The following DPF3 variants were observed in gnomAD, a reference collection of about 807,000 sequenced individuals.
DPF3 encodes the protein double PHD fingers 3.
DPF3 carries 18 observed loss-of-function variants against 56.8 expected under a neutral mutation model. That is an observed-to-expected ratio of 0.32 (90% confidence interval 0.22 to 0.47). The LOEUF (loss-of-function observed/expected upper bound fraction) is 0.47, where lower values mean the gene tolerates loss of function less well. Ranked by LOEUF, DPF3 falls within the 20% of genes least tolerant of loss-of-function variation. The pLI is 1.00. For synonymous variants in DPF3, 188 were observed against 180.2 expected (o/e 1.04, Z -0.35); for missense variants, 403 against 488.8 (o/e 0.82, Z 1.65).
intron 7 of DPF3, among the ~76,000 whole-genome samples, chr14:72,678,698 T>C (rs927645030): frequency 6.6e-6 from 1 of 152,228 alleles, no homozygotes; most frequent in African/African-American, 2.4e-5. Context: ...AGTCCCGCTT[T>C]ATAGAATAAG....
intron 1 of DPF3, among the ~76,000 whole-genome samples, chr14:72,882,075 CA>C (rs1004413164): frequency 1.3e-5 from 2 of 151,994 alleles, no homozygotes; most frequent in Non-Finnish European, 2.9e-5. Flanking sequence ...ACTTGATCTG[CA>C]AAGGTAGCTG....
At chr14:72,701,033 A>G (rs1040188492) in intron 6 of DPF3, among the ~76,000 whole-genome samples, 1 of 152,214 alleles carries the variant, frequency 6.6e-6, no homozygotes, top group African/African-American at 2.4e-5. Flanking sequence ...AAGTACTGGA[A>G]CCATCTGCTC....
intron 2 of DPF3, among the ~76,000 whole-genome samples, chr14:72,754,329 C>T (rs928558898): frequency 1.3e-5 from 2 of 152,000 alleles, no homozygotes; most frequent in Admixed American, 6.6e-5. Context: ...GTGTCTGATA[C>T]CCCCCATAAT....
intron 5 of DPF3, 117 bp downstream of exon 5, chr14:72,723,516 C>T (rs1302444768): frequency 5.7e-6 from 5 of 884,364 alleles, no homozygotes; most frequent in East Asian, 2.8e-5. Context: ...CTCCTTTGAG[C>T]GTTCTCCATG....
chr14:72,754,619 ACAT>A, intron 2 of DPF3, among the ~76,000 whole-genome samples: 1 of 152,298 alleles, frequency 6.6e-6, no homozygotes, highest in South Asian at 2.1e-4. Context: ...GATTCAGAAA[ACAT>A]CAGCACCTGA....
intron 5 of DPF3, among the ~76,000 whole-genome samples, chr14:72,720,628 A>T (rs76606645): frequency 0.068 from 10,309 of 152,220 alleles, 421 homozygotes; most frequent in Admixed American, 0.088. Flanking sequence ...TCTCTTTTCC[A>T]TCATTCAATC....
chr14:72,785,224 T>C (rs1023597895), intron 1 of DPF3, among the ~76,000 whole-genome samples: 1 of 152,240 alleles, frequency 6.6e-6, no homozygotes, highest in Non-Finnish European at 1.5e-5. Flanking sequence ...AATAGTGGCA[T>C]AGCTAATATT....
At chr14:72,681,519 C>T (rs963997819) in intron 7 of DPF3, among the ~76,000 whole-genome samples, 2 of 152,142 alleles carry the variant, frequency 1.3e-5, no homozygotes, top group East Asian at 3.9e-4. Context: ...CATCTTGCTG[C>T]GTGTTTTGGT....
chr14:72,711,530 C>T (rs1350043962), intron 6 of DPF3, among the ~76,000 whole-genome samples: 1 of 152,108 alleles, frequency 6.6e-6, no homozygotes, highest in East Asian at 1.9e-4. Flanking sequence ...GTCCGCTGCT[C>T]TTTGAGCCAC....
intron 1 of DPF3, among the ~76,000 whole-genome samples, chr14:72,815,589 T>C (rs1414181911): frequency 6.6e-6 from 1 of 152,224 alleles, no homozygotes; most frequent in African/African-American, 2.4e-5. Context: ...TGCTCATCAG[T>C]TGGTAAATGA....
chr14:72,805,931 T>C (rs1882756811), intron 1 of DPF3: 1 of 152,166 alleles, frequency 6.6e-6, no homozygotes, highest in South Asian at 2.1e-4. Context: ...CTCTCTCTAA[T>C]GGGGACCTTC....
chr14:72,676,235 G>A (rs1221132438), intron 7 of DPF3, among the ~76,000 whole-genome samples: 1 of 152,200 alleles, frequency 6.6e-6, no homozygotes, highest in East Asian at 1.9e-4. Context: ...ATGTGGAGAT[G>A]CCAGTTGTTA....
intron 1 of DPF3, among the ~76,000 whole-genome samples, chr14:72,781,649 G>T (rs1375014932): frequency 6.9e-6 from 1 of 145,698 alleles, no homozygotes; most frequent in Admixed American, 6.9e-5. Context: ...TCAAGGAGCT[G>T]CCAAGGACAA....
At chr14:72,744,914 A>C (rs547345476) in intron 3 of DPF3, among the ~76,000 whole-genome samples, 14 of 152,334 alleles carry the variant, frequency 9.2e-5, no homozygotes, top group Non-Finnish European at 1.8e-4. Flanking sequence ...AAGAGCAGGC[A>C]GACTATTCTC....
intron 1 of DPF3, among the ~76,000 whole-genome samples, chr14:72,824,543 TTC>T (rs2140040020): frequency 7.6e-6 from 1 of 131,096 alleles, no homozygotes; most frequent in South Asian, 2.6e-4. Context: ...CATTTACGTT[TTC>T]TTTTTCTTTT....
chr14:72,879,591 T>C (rs962497270), intron 1 of DPF3, among the ~76,000 whole-genome samples: 10 of 151,988 alleles, frequency 6.6e-5, no homozygotes, highest in African/African-American at 2.4e-4. Flanking sequence ...ATCCAGAAGA[T>C]GACAGATGTG....
chr14:72,749,168 G>T (rs1890450572), intron 3 of DPF3, among the ~76,000 whole-genome samples: 1 of 152,232 alleles, frequency 6.6e-6, no homozygotes, highest in African/African-American at 2.4e-5. Flanking sequence ...CCACAGGGGT[G>T]GAGTTGCCCA....
chr14:72,782,775 G>A (rs576758613), intron 1 of DPF3, among the ~76,000 whole-genome samples: 1 of 152,228 alleles, frequency 6.6e-6, no homozygotes, highest in Non-Finnish European at 1.5e-5. Context: ...AGAGGTTGCA[G>A]TGAGCCGAGA....
intron 1 of DPF3, chr14:72,892,407 C>T (rs1886788747): frequency 1.3e-6 from 2 of 1,499,140 alleles, no homozygotes; most frequent in Middle Eastern, 4.5e-4. Context: ...CGAGCCAGAA[C>T]TGAAGCCAGG....
Sources: gnomAD v4.1 joint callset for allele counts (sites outside exome capture counted in the v4.1 genomes callset) on GRCh38, gnomAD v4.1.1 for gene constraint, MANE v1.5 for transcripts, NCBI Gene and HGNC (gene_info 2026-07-23, HGNC 2026-07-21) for gene names.